CD1B: variants seen among roughly 807,000 people sequenced by gnomAD.
CD1B encodes the protein CD1b molecule, also known as T-cell surface glycoprotein CD1b.
Under a neutral mutation model 39.8 loss-of-function variants are expected in CD1B, and 43 were observed. The observed-to-expected ratio is 1.08, with a 90% CI of 0.85 to 1.39. The LOEUF (loss-of-function observed/expected upper bound fraction) is 1.39. CD1B is among the 40% of genes most tolerant of loss of function. The pLI, the probability that CD1B is intolerant of heterozygous loss-of-function variation, is 0.00. For missense variants in CD1B, 495 were observed against 403.8 expected (o/e 1.23, Z -1.94); for synonymous variants, 192 against 152.5 (o/e 1.26, Z -1.91).
the CD1B span, among the ~76,000 whole-genome samples, chr1:158,316,411 TTA>T: frequency 2.0e-5 from 3 of 151,794 alleles, no homozygotes; most frequent in Non-Finnish European, 4.4e-5. Context: ...TTTATTCTCT[TTA>T]AAGCAATTGT....
At chr1:158,314,858 C>A in the CD1B span, among the ~76,000 whole-genome samples, 1 of 146,402 alleles carries the variant, frequency 6.8e-6, no homozygotes. Flanking sequence ...TTCCTGTGTC[C>A]ATGTGATCTC....
At position 158,329,498 on chromosome 1, in the gene CD1B, A is replaced by G. The variant is rs1026609623; in HGVS notation, c.758T>C (p.Ile253Thr). ...CCATGTCCAGTTAGCATTGGGCAGG[A>G]TGTCCCCTAGCTGAGTGCCCTGCTG... ...QEQQGTQLGD[I>T]LPNANWTWYL... The change falls in exon 4 of 6, where the codon ATC (isoleucine) becomes ACC (threonine). Residue 253 changes from isoleucine to threonine, a missense_variant. Physicochemically the swap from Ile to Thr is moderately conservative, Grantham distance 89. Coordinates refer to ENST00000368168, the MANE Select transcript of CD1B (RefSeq NM_001764.3). 7 of 1,614,030 alleles carry G rather than the reference A, an allele frequency of 4.3e-6. No homozygotes were observed. The African/African-American group carries it at 8.0e-5, about 18-fold the overall frequency.
At chr1:158,292,395 T>C in the CD1B span, 3 of 1,594,988 alleles carry the variant, frequency 1.9e-6, no homozygotes, top group African/African-American at 1.3e-5. Flanking sequence ...TCCTCTAAGA[T>C]TTTTCTATTC....
chr1:158,288,828 C>T, the CD1B span, among the ~76,000 whole-genome samples: 31 of 152,358 alleles, frequency 2.0e-4, no homozygotes, highest in Admixed American at 6.5e-4. Flanking sequence ...CACATATTAA[C>T]CAGCCAGGGT....
the CD1B span, among the ~76,000 whole-genome samples, chr1:158,307,026 G>A: frequency 6.6e-6 from 1 of 152,048 alleles, no homozygotes; most frequent in Non-Finnish European, 1.5e-5. Context: ...AAGAACTAGA[G>A]AAGCAAGAGC....
chr1:158,307,363 A>AC, the CD1B span, among the ~76,000 whole-genome samples: 10 of 151,958 alleles, frequency 6.6e-5, no homozygotes, highest in East Asian at 1.9e-4. Flanking sequence ...CGACACGTAC[A>AC]CCCCCCCAAG....
the CD1B span, among the ~76,000 whole-genome samples, chr1:158,308,649 C>G: frequency 1.6e-4 from 25 of 152,150 alleles, no homozygotes; most frequent in African/African-American, 5.3e-4. Flanking sequence ...AACAATGGAA[C>G]AGAACAGAGC....
At chr1:158,300,023 C>T in the CD1B span, among the ~76,000 whole-genome samples, 39 of 152,166 alleles carry the variant, frequency 2.6e-4, no homozygotes, top group African/African-American at 3.4e-4. Flanking sequence ...TTCTTGTCTT[C>T]GGCTAGCTTT....
the CD1B span, among the ~76,000 whole-genome samples, chr1:158,317,447 C>A: frequency 6.6e-6 from 1 of 152,136 alleles, no homozygotes; most frequent in East Asian, 1.9e-4. Flanking sequence ...AGTTTATTTG[C>A]GTAGAGGTGT....
At chr1:158,286,728 G>A in the CD1B span, among the ~76,000 whole-genome samples, 14 of 152,252 alleles carry the variant, frequency 9.2e-5, no homozygotes, top group South Asian at 2.1e-4. Context: ...GGAAGTTTTC[G>A]GAGAACACAC....
At chr1:158,318,115 G>C in the CD1B span, among the ~76,000 whole-genome samples, 2 of 152,118 alleles carry the variant, frequency 1.3e-5, no homozygotes, top group African/African-American at 4.8e-5. Flanking sequence ...GGTGTGGTGT[G>C]GTGCTGAAAA....
rs1003811486 is a variant in CD1B, at chr1:158,330,533, G to A, written c.328+263C>T. ...TAGGAGAAGTAAGGGCCCTTGAGGA[G>A]AAGTTTCACATAAGACAAACCAGCA... On this transcript the variant is annotated intron_variant, in intron 2 of 5. Coordinates refer to ENST00000368168, the MANE Select transcript of CD1B (RefSeq NM_001764.3). 1.8e-5 allele frequency: 12 copies of A among 652,540 alleles called. No homozygotes were observed. The African/African-American group carries it at 2.0e-4, about 11-fold the overall frequency. The allele number at this position is 652,540 out of a possible 1,614,324, so 40.4% of individuals were successfully genotyped here.
At chr1:158,288,359 T>A in the CD1B span, among the ~76,000 whole-genome samples, 1 of 152,216 alleles carries the variant, frequency 6.6e-6, no homozygotes, top group Non-Finnish European at 1.5e-5. Context: ...ATACATAGAA[T>A]AAATATAAAT....
At chr1:158,299,045 T>A in the CD1B span, among the ~76,000 whole-genome samples, 10 of 152,280 alleles carry the variant, frequency 6.6e-5, no homozygotes, top group South Asian at 1.9e-3. Context: ...AGACTTCCAA[T>A]ACTATGTTGA....
the CD1B span, among the ~76,000 whole-genome samples, chr1:158,316,002 G>C: frequency 6.6e-6 from 1 of 151,914 alleles, no homozygotes; most frequent in Non-Finnish European, 1.5e-5. Flanking sequence ...GCTCTGTTCT[G>C]TTCCATTGAT....
chr1:158,314,283 C>T, the CD1B span, among the ~76,000 whole-genome samples: 1 of 152,104 alleles, frequency 6.6e-6, no homozygotes, highest in Non-Finnish European at 1.5e-5. Context: ...TGGGGTTTCA[C>T]CATGTTGCTC....
At chr1:158,320,266 G>C in the CD1B span, among the ~76,000 whole-genome samples, 1 of 152,186 alleles carries the variant, frequency 6.6e-6, no homozygotes, top group African/African-American at 2.4e-5. Context: ...CCTCACTGCC[G>C]CCTTGCAGTT....
At chr1:158,292,303 G>A in the CD1B span, 1 of 1,614,192 alleles carries the variant, frequency 6.2e-7, no homozygotes, top group Non-Finnish European at 8.5e-7. Context: ...CTCATAAGAA[G>A]CACTTGCCCC....
the CD1B span, chr1:158,290,032 C>T: frequency 6.2e-7 from 1 of 1,604,632 alleles, no homozygotes; most frequent in East Asian, 2.2e-5. Flanking sequence ...CAGCAAACAG[C>T]TTTTCTGAGA....
Sources: allele counts gnomAD v4.1 joint callset (sites outside exome capture counted in the v4.1 genomes callset), GRCh38; gene constraint gnomAD v4.1.1; transcripts MANE v1.5; gene names NCBI Gene and HGNC (gene_info 2026-07-23, HGNC 2026-07-21).